The following WDR35 variants were observed in gnomAD, a reference collection of about 807,000 sequenced individuals.
WDR35 encodes WD repeat domain 35.
A neutral mutation model predicts 158.3 loss-of-function variants in WDR35; 118 were observed. The observed-to-expected ratio is 0.75, with a 90% CI of 0.64 to 0.87. The LOEUF is 0.87. Among genes scored for constraint, WDR35 ranks in the 40% least tolerant of loss-of-function variants. The pLI is 0.00. For synonymous variants in WDR35, 448 were observed against 476.1 expected (o/e 0.94, Z 0.77); for missense variants, 1,263 against 1,405.8 (o/e 0.90, Z 1.62).
In WDR35 at chr2:19,936,695, C is replaced by T. The variant is rs185807946; in HGVS notation, c.2268-330G>A. On this transcript the variant is annotated intron_variant, in intron 19 of 26. Transcript: ENST00000281405. The stretch of plus-strand genomic sequence containing the variant: ...TAAAAGACTCCTCAGAGAATTTGCC[C>T]CTTTTGCCCTTTTCACTTTCCACCA... 1.3e-4 allele frequency among the ~76,000 whole-genome samples: 20 copies of T among 152,234 alleles called. No individual in the cohort carries two copies. The East Asian group carries it at 3.7e-3, about 28-fold the overall frequency.
intron 9 of WDR35, 34 bp from the exon 10 acceptor site, chr2:19,966,943 T>C (rs772364847): frequency 6.9e-6 from 11 of 1,584,914 alleles, no homozygotes; most frequent in African/African-American, 4.0e-5. Context: ...GGGAAGGAGA[T>C]TGAAAGGGAG....
At chr2:19,969,413 C>T in intron 9 of WDR35, 67 bp downstream of exon 9, 1 of 1,528,350 alleles carries the variant, frequency 6.5e-7, no homozygotes. Flanking sequence ...TTTGAATATA[C>T]TTTGAGCTAT....
At chr2:19,964,607 C>A (rs1262503359) in intron 10 of WDR35, among the ~76,000 whole-genome samples, 1 of 152,006 alleles carries the variant, frequency 6.6e-6, no homozygotes, top group Non-Finnish European at 1.5e-5. Context: ...CGGTCTCGAA[C>A]TCCTGAGCTC....
At position 19,978,742 on chromosome 2, in the gene WDR35, A is replaced by G; in HGVS notation, c.436+9T>C. ...TTGATCTTAGTTCTATGTCCAATCA[A>G]TACATTACCATCCACTGAACCAACT... On this transcript the variant is annotated intron_variant, in intron 5 of 26. Transcript: ENST00000281405. 1.2e-6 allele frequency: 2 copies of G among 1,613,720 alleles called. No individual in the cohort carries two copies. The highest frequency in any genetic ancestry group is 8.5e-7 in the Non-Finnish European group (1 of 1,179,776).
rs753050931 is a variant in WDR35 at position 19,930,458 on chromosome 2, T to G, written c.3059A>C (p.His1020Pro). ...DNAWRGAEAY[H>P]FFILAQRQLY... ...CTGCCTCTGTGCAAGTATAAAGAAG[T>G]GGTAAGCCTCTGCCCCTCTCCATGC... The change falls in exon 25 of 27, where the codon CAC becomes CCC. Residue 1020 changes from histidine to proline, a missense_variant. Transcript: ENST00000281405. 6.2e-7 allele frequency: 1 copy of G among 1,614,132 alleles called. No homozygotes were observed. Among genetic ancestry groups the G allele is most frequent in the Non-Finnish European group, 8.5e-7 (1 of 1,180,022 alleles).
At chr2:19,946,610 CATA>C (rs1671064252) in intron 14 of WDR35, 40 bp from the exon 15 acceptor site, 1 of 1,546,602 alleles carries the variant, frequency 6.5e-7, no homozygotes, top group Non-Finnish European at 8.9e-7. Flanking sequence ...ATACGTGTAT[CATA>C]ATAATATTAA....
Position 19,973,549 on chromosome 2 carries a change from T to G in WDR35, c.882+14A>C. On this transcript the variant is annotated intron_variant, in intron 8 of 26. Coordinates refer to ENST00000281405, the MANE Select transcript of WDR35 (RefSeq NM_020779.4). ...TTAAATAGAAAGAAAGAAGATCAAT[T>G]TGAATGCATTTACCTCACCAAACGG... is the stretch of plus-strand genomic sequence containing the variant. 6.2e-7 allele frequency: 1 copy of G among 1,614,122 alleles called. No individual in the cohort carries two copies. Among genetic ancestry groups the G allele is most frequent in the Non-Finnish European group, 8.5e-7 (1 of 1,180,002 alleles).
At position 19,978,800 on chromosome 2, in the gene WDR35, C is replaced by T; in HGVS notation, c.387G>A (p.Lys129=). The T allele has an allele frequency of 4.3e-6, 7 of 1,613,918 alleles. No homozygotes were observed. Among genetic ancestry groups the T allele is most frequent in the South Asian group, 1.1e-5 (1 of 91,080 alleles). ...RSMSWNADGQ[K]ICIVYEDGAV... ...CCCCATCTTCATATACAATGCAGAT[C>T]TTCTGTCCGTCAGCATTCCAGCTCA... Residue 129 remains lysine, a synonymous_variant, in exon 5 of 27, where the codon AAG becomes AAA. Transcript: ENST00000281405.
intron 17 of WDR35, among the ~76,000 whole-genome samples, chr2:19,941,490 A>G (rs1670874920): frequency 6.6e-6 from 1 of 152,184 alleles, no homozygotes; most frequent in Non-Finnish European, 1.5e-5. Flanking sequence ...ATCTTATATA[A>G]TAACAATCCT....
intron 2 of WDR35, among the ~76,000 whole-genome samples, chr2:19,984,865 T>C (rs1672501603): frequency 1.3e-5 from 2 of 152,202 alleles, no homozygotes; most frequent in South Asian, 4.1e-4. Flanking sequence ...AATCAAAATA[T>C]ACAGAAGACT....
chr2:19,923,884 G>A (rs1466516895), intron 25 of WDR35, among the ~76,000 whole-genome samples: 1 of 152,130 alleles, frequency 6.6e-6, no homozygotes, highest in Non-Finnish European at 1.5e-5. Flanking sequence ...TTTTGTAATG[G>A]GACTGTTAAA....
chr2:19,923,666 G>A (rs1477355324), intron 25 of WDR35, among the ~76,000 whole-genome samples: 1 of 152,090 alleles, frequency 6.6e-6, no homozygotes, highest in Non-Finnish European at 1.5e-5. Flanking sequence ...GTGACTGTTC[G>A]AACAGCACCT....
chr2:19,970,358 T>A (rs895346246), intron 8 of WDR35, among the ~76,000 whole-genome samples: 3 of 152,172 alleles, frequency 2.0e-5, no homozygotes, highest in Non-Finnish European at 4.4e-5. Context: ...AGTCACCAAG[T>A]CCTACTGCTT....
At chr2:19,982,580 A>G (rs1354896200) in intron 2 of WDR35, 46 bp from the exon 3 acceptor site, 1 of 1,584,368 alleles carries the variant, frequency 6.3e-7, no homozygotes, top group African/African-American at 1.3e-5. Flanking sequence ...TGTAAAAGTG[A>G]CATATTATAA....
At chr2:19,955,503 T>C (rs1572345416) in intron 11 of WDR35, among the ~76,000 whole-genome samples, 1 of 151,832 alleles carries the variant, frequency 6.6e-6, no homozygotes, top group East Asian at 1.9e-4. Context: ...TTTAAAGAAG[T>C]AGAACAATTT....
chr2:19,964,747 C>G (rs1671793166), intron 10 of WDR35, among the ~76,000 whole-genome samples: 1 of 152,058 alleles, frequency 6.6e-6, no homozygotes, highest in African/African-American at 2.4e-5. Context: ...TTTCCTTGTC[C>G]TTTTGCTTCA....
chr2:19,990,008 A>G lies in WDR35; in HGVS notation c.8T>C (p.Phe3Ser). 4.3e-6 allele frequency: 7 copies of G among 1,614,028 alleles called. No individual in the cohort carries two copies. The highest frequency in any genetic ancestry group is 5.9e-6 in the Non-Finnish European group (7 of 1,179,978). ...GAAACTCACTTTCTTGCTCAGGTAG[A>G]AGAACATCGTGGGATCCCCGAGAGG... MF[F>S]YLSKKISIPN... Residue 3 changes from phenylalanine to serine, a missense_variant, in exon 1 of 27, where the codon TTC becomes TCC. By Grantham distance (155) the Phe-to-Ser change is radical. Coordinates refer to ENST00000281405, the MANE Select transcript of WDR35 (RefSeq NM_020779.4).
chr2:19,936,327 C>G lies in WDR35; in HGVS notation c.2306G>C (p.Trp769Ser). 1 of 1,613,984 alleles carries G rather than the reference C, an allele frequency of 6.2e-7. No homozygotes were observed. The highest frequency in any genetic ancestry group is 8.5e-7 in the Non-Finnish European group (1 of 1,179,932). The change falls in exon 20 of 27, where the codon TGG becomes TCG. Residue 769 changes from tryptophan to serine, a missense_variant. By Grantham distance (177) the Trp-to-Ser change is radical. Transcript: ENST00000281405. ...TTTCAGGAGCTGGAGTACTCTAAAC[C>G]AATCCCCCAATTTCAGCCGGAGGCC... ...AIGLRLKLGD[W>S]FRVLQLLKTG...
intron 12 of WDR35, among the ~76,000 whole-genome samples, chr2:19,953,569 G>A (rs1671318038): frequency 1.3e-5 from 2 of 152,164 alleles, no homozygotes; most frequent in South Asian, 2.1e-4. Flanking sequence ...CTCTAATCTG[G>A]TGGGGAGGGT....
Sources: gnomAD v4.1 joint callset for allele counts (sites outside exome capture counted in the v4.1 genomes callset) on GRCh38, gnomAD v4.1.1 for gene constraint, MANE v1.5 for transcripts, NCBI Gene and HGNC (gene_info 2026-07-23, HGNC 2026-07-21) for gene names.